Variants in PALD1 observed in about 807,000 individuals in gnomAD.
PALD1 encodes the protein phosphatase domain containing paladin 1, also known as paladin.
PALD1 carries 57 observed loss-of-function variants against 96.0 expected under a neutral mutation model. The ratio of observed to expected loss-of-function variants is 0.59; its 90% CI spans 0.48 to 0.74. The LOEUF is 0.74. PALD1 is among the 30% of genes least tolerant of loss of function. PALD1 has a pLI of 0.00. For missense variants in PALD1, 1,063 were observed against 1,143.7 expected (o/e 0.93, Z 1.02); for synonymous variants, 464 against 473.6 (o/e 0.98, Z 0.26).
intron 18 of PALD1, among the ~76,000 whole-genome samples, chr10:70,552,023 C>T (rs921789365): frequency 4.6e-5 from 7 of 152,326 alleles, no homozygotes; most frequent in South Asian, 2.1e-4. Flanking sequence ...GCCCACGGGA[C>T]GTCTCTCGCC....
the PALD1 span, among the ~76,000 whole-genome samples, chr10:70,460,513 A>G: frequency 6.6e-6 from 1 of 151,902 alleles, no homozygotes; most frequent in Non-Finnish European, 1.5e-5. Context: ...CCTCAACACC[A>G]CAACATCCAA....
chr10:70,487,454 A>G (rs1846032037), intron 1 of PALD1, among the ~76,000 whole-genome samples: 4 of 151,532 alleles, frequency 2.6e-5, no homozygotes, highest in Admixed American at 2.0e-4. Flanking sequence ...TCTCACCTGC[A>G]GAATGGGCAT....
In PALD1 at chr10:70,525,998, C is replaced by T. The variant is rs774947791; in HGVS notation, c.47C>T (p.Thr16Ile). Residue 16 changes from threonine (T) to isoleucine (I), a missense_variant, in exon 2 of 20, where the codon ACC (threonine) becomes ATC (isoleucine). Thr to Ile is a moderately conservative substitution (Grantham distance 89, BLOSUM62 -1). Transcript: ENST00000263563. ...GCCCAGCAGACGGTCTCGGCAGGCA[C>T]CCCATTTGAGGGCCTACAGGGCAGT... is the stretch of plus-strand genomic sequence containing the variant. Reference protein sequence around the residue: ...STAQQTVSAGTPFEGLQGSGT... With the variant: ...STAQQTVSAGIPFEGLQGSGT... The T allele has an allele frequency of 3.1e-6, 5 of 1,614,082 alleles. No individual in the cohort carries two copies. The highest frequency in any genetic ancestry group is 2.2e-5 in the South Asian group (2 of 91,092).
chr10:70,564,330 C>T (rs747042184), intron 18 of PALD1, 34 bp from the exon 19 acceptor site: 1 of 1,595,646 alleles, frequency 6.3e-7, no homozygotes, highest in East Asian at 2.2e-5. Flanking sequence ...ACACGGATCC[C>T]CCCACACTGA....
At chr10:70,468,514 G>A in the PALD1 span, among the ~76,000 whole-genome samples, 2 of 152,240 alleles carry the variant, frequency 1.3e-5, no homozygotes, top group Middle Eastern at 3.4e-3. Flanking sequence ...AAAGTGCTGG[G>A]ATTACAGGCT....
the PALD1 span, among the ~76,000 whole-genome samples, chr10:70,468,702 CTG>C: frequency 0.12 from 14,455 of 123,580 alleles, 754 homozygotes; most frequent in East Asian, 0.13. Context: ...TGAGGCAGGA[CTG>C]TGTGTGTGTG....
chr10:70,501,090 C>G (rs1846284948), intron 1 of PALD1, among the ~76,000 whole-genome samples: 1 of 152,196 alleles, frequency 6.6e-6, no homozygotes, highest in African/African-American at 2.4e-5. Context: ...TTTCCTGCCA[C>G]TGAGGGAGGC....
chr10:70,554,589 A>C (rs1847553307), intron 18 of PALD1, among the ~76,000 whole-genome samples: 1 of 152,154 alleles, frequency 6.6e-6, no homozygotes, highest in Admixed American at 6.5e-5. Flanking sequence ...CACCCGCAGC[A>C]GACTTCGTTG....
chr10:70,536,909 C>G (rs1372720936), intron 10 of PALD1, among the ~76,000 whole-genome samples: 1 of 152,130 alleles, frequency 6.6e-6, no homozygotes, highest in African/African-American at 2.4e-5. Flanking sequence ...CGGACAACCC[C>G]CCATGCAGAG....
intron 3 of PALD1, 93 bp downstream of exon 3, chr10:70,529,424 A>G (rs911023931): frequency 2.4e-5 from 16 of 655,668 alleles, no homozygotes; most frequent in African/African-American, 5.4e-5. Flanking sequence ...GCCCTCCCCA[A>G]CTTTCCCCGT....
At chr10:70,546,121 C>A (rs1037568029) in intron 17 of PALD1, among the ~76,000 whole-genome samples, 1 of 152,012 alleles carries the variant, frequency 6.6e-6, no homozygotes, top group African/African-American at 2.4e-5. Flanking sequence ...CCTGTAATCC[C>A]AGCTACTCGG....
At chr10:70,464,624 CTTTT>C in the PALD1 span, among the ~76,000 whole-genome samples, 353 of 115,232 alleles carry the variant, frequency 3.1e-3, 3 homozygotes, top group African/African-American at 9.2e-3. Flanking sequence ...ACTGTACCTC[CTTTT>C]TTTTTTTTTT....
At chr10:70,498,442 C>T (rs749495321) in intron 1 of PALD1, among the ~76,000 whole-genome samples, 2 of 152,064 alleles carry the variant, frequency 1.3e-5, no homozygotes, top group African/African-American at 4.8e-5. Context: ...CCACACCTGG[C>T]TAATCTTTAA....
intron 1 of PALD1, among the ~76,000 whole-genome samples, chr10:70,504,210 G>A (rs1383360581): frequency 6.6e-6 from 1 of 152,244 alleles, no homozygotes; most frequent in East Asian, 1.9e-4. Context: ...TACCACACTG[G>A]AAATTGAAAC....
intron 17 of PALD1, among the ~76,000 whole-genome samples, chr10:70,545,249 C>A (rs1037018462): frequency 6.6e-6 from 1 of 152,052 alleles, no homozygotes; most frequent in Non-Finnish European, 1.5e-5. Flanking sequence ...GTGCGGGGAG[C>A]CTTTAGACCC....
intron 19 of PALD1, 78 bp downstream of exon 19, chr10:70,564,597 T>C: frequency 7.0e-7 from 1 of 1,418,828 alleles, no homozygotes; most frequent in African/African-American, 1.4e-5. Flanking sequence ...ACTCAGTGCC[T>C]GTACATGGCC....
chr10:70,470,508 C>CTATGAG, the PALD1 span, among the ~76,000 whole-genome samples: 138,666 of 149,342 alleles, frequency 0.93, 64,637 homozygotes, highest in East Asian at 1. Flanking sequence ...GTATACAAGC[C>CTATGAG]TATAAGTGTG....
At chr10:70,469,792 G>A in the PALD1 span, among the ~76,000 whole-genome samples, 1 of 150,720 alleles carries the variant, frequency 6.6e-6, no homozygotes, top group East Asian at 1.9e-4. Flanking sequence ...CTTAGAGTCC[G>A]TTTCTTTTTT....
At chr10:70,522,883 T>G (rs1213420716) in intron 1 of PALD1, among the ~76,000 whole-genome samples, 1 of 152,180 alleles carries the variant, frequency 6.6e-6, no homozygotes, top group Admixed American at 6.5e-5. Flanking sequence ...TTACAGTGGC[T>G]GTGGACACTG....
Sources: allele counts gnomAD v4.1 joint callset (sites outside exome capture counted in the v4.1 genomes callset), GRCh38; gene constraint gnomAD v4.1.1; transcripts MANE v1.5; gene names NCBI Gene and HGNC (gene_info 2026-07-23, HGNC 2026-07-21).